UTRN: variants seen among roughly 807,000 people sequenced by gnomAD.
UTRN encodes the protein dystrophin-related protein 1.
Under a neutral mutation model 463.9 loss-of-function variants are expected in UTRN, and 283 were observed. That is an observed-to-expected ratio of 0.61 (90% CI 0.55 to 0.67). The LOEUF is 0.67. Ranked by LOEUF, UTRN falls within the 30% of genes least tolerant of loss-of-function variation. The pLI is 0.00. For synonymous variants in UTRN, 1,442 were observed against 1,431.5 expected, an observed-to-expected ratio of 1.01 and a Z score of -0.17; for missense variants, 3,922 against 4,084.3, an observed-to-expected ratio of 0.96 and a Z score of 1.08.
At chr6:144,738,012 G>A (rs1055041305) in intron 54 of UTRN, among the ~76,000 whole-genome samples, 2 of 151,996 alleles carry the variant, frequency 1.3e-5, no homozygotes, top group Non-Finnish European at 2.9e-5. Flanking sequence ...AAACACAAAG[G>A]CCAAGAAGAT....
At chr6:144,553,736 C>G (rs1209713934) in intron 48 of UTRN, among the ~76,000 whole-genome samples, 1 of 151,970 alleles carries the variant, frequency 6.6e-6, no homozygotes, top group Non-Finnish European at 1.5e-5. Flanking sequence ...CATGGGGAAA[C>G]CCTCTCTCTA....
At chr6:144,688,043 C>A (rs1586014674) in intron 52 of UTRN, among the ~76,000 whole-genome samples, 1 of 152,064 alleles carries the variant, frequency 6.6e-6, no homozygotes, top group African/African-American at 2.4e-5. Flanking sequence ...TTGTTCATTT[C>A]TTTTCATTCT....
intron 51 of UTRN, among the ~76,000 whole-genome samples, chr6:144,655,731 C>T (rs925271784): frequency 2.0e-5 from 3 of 152,076 alleles, no homozygotes; most frequent in South Asian, 2.1e-4. Context: ...TAAAAATTGT[C>T]TTTAGTGGGA....
intron 31 of UTRN, 33 bp from the exon 32 acceptor site, chr6:144,490,896 A>C (rs981140252): frequency 2.6e-6 from 4 of 1,536,426 alleles, no homozygotes; most frequent in Middle Eastern, 1.7e-4. Context: ...AATCATCCTG[A>C]TGGGAATTGC....
At chr6:144,577,317 CTG>C in intron 51 of UTRN, 29 bp downstream of exon 51, 1 of 1,608,022 alleles carries the variant, frequency 6.2e-7, no homozygotes, top group Non-Finnish European at 8.5e-7. Context: ...ACACCAGTAC[CTG>C]TGTTTGCCCT....
In UTRN at chr6:144,423,547, A is replaced by G; in HGVS notation, c.235-2A>G. ...TACTTGCTTTTTTGTTTTATTTTCC[A>G]GCCAAAGGAACGTGGTTCCACAAGG... On this transcript the variant is annotated splice_acceptor_variant, in intron 4 of 74. Transcript: ENST00000367545. LOFTEE classifies it high-confidence loss of function. 6.2e-7 allele frequency: 1 copy of G among 1,614,126 alleles called. No individual in the cohort carries two copies. The highest frequency in any genetic ancestry group is 8.5e-7 in the Non-Finnish European group (1 of 1,180,018).
intron 71 of UTRN, among the ~76,000 whole-genome samples, chr6:144,838,102 T>C (rs938429612): frequency 2.6e-5 from 4 of 152,220 alleles, no homozygotes; most frequent in African/African-American, 9.6e-5. Flanking sequence ...AGTGCATAGG[T>C]GGAATTGCTA....
chr6:144,482,694 A>G (rs1324138196), intron 27 of UTRN, among the ~76,000 whole-genome samples: 1 of 152,146 alleles, frequency 6.6e-6, no homozygotes, highest in Admixed American at 6.5e-5. Context: ...CCAGGTTTTC[A>G]TGTAACAGAT....
intron 2 of UTRN, among the ~76,000 whole-genome samples, chr6:144,385,717 T>TC (rs1005842901): frequency 1.3e-5 from 2 of 152,040 alleles, no homozygotes; most frequent in Non-Finnish European, 2.9e-5. Flanking sequence ...TTTTTTTTTT[T>TC]TTTTCTTTTG....
chr6:144,493,848 C>A (rs557109366), intron 33 of UTRN, among the ~76,000 whole-genome samples: 1 of 150,536 alleles, frequency 6.6e-6, no homozygotes, highest in South Asian at 2.1e-4. Flanking sequence ...AACAAATTTC[C>A]AAAAAAAAAT....
At chr6:144,411,098 G>C (rs967681505) in intron 3 of UTRN, among the ~76,000 whole-genome samples, 1 of 152,174 alleles carries the variant, frequency 6.6e-6, no homozygotes, top group Non-Finnish European at 1.5e-5. Flanking sequence ...TAATGGGATT[G>C]CTGGATCAAA....
chr6:144,596,195 A>G (rs1178324384), intron 51 of UTRN, among the ~76,000 whole-genome samples: 1 of 152,136 alleles, frequency 6.6e-6, no homozygotes, highest in Non-Finnish European at 1.5e-5. Flanking sequence ...ACTTATGCCA[A>G]ATGTCATCCT....
At chr6:144,630,747 A>G (rs1322110815) in intron 51 of UTRN, among the ~76,000 whole-genome samples, 1 of 152,164 alleles carries the variant, frequency 6.6e-6, no homozygotes, top group Non-Finnish European at 1.5e-5. Flanking sequence ...TACTCTGCAT[A>G]CCATTAATAT....
chr6:144,534,258 A>G (rs1797332892), intron 43 of UTRN, among the ~76,000 whole-genome samples: 1 of 152,206 alleles, frequency 6.6e-6, no homozygotes, highest in Non-Finnish European at 1.5e-5. Context: ...GGCACCTTGC[A>G]CACATTGCCT....
intron 53 of UTRN, among the ~76,000 whole-genome samples, chr6:144,720,210 A>G (rs1272488645): frequency 6.6e-6 from 1 of 152,210 alleles, no homozygotes; most frequent in Non-Finnish European, 1.5e-5. Context: ...AGATCAGCTG[A>G]TTGACTTCCA....
chr6:144,519,898 C>T (rs910725228), intron 39 of UTRN, among the ~76,000 whole-genome samples: 13 of 152,140 alleles, frequency 8.5e-5, no homozygotes, highest in African/African-American at 2.7e-4. Flanking sequence ...CACAGGAATT[C>T]CAGTCTTGCA....
chr6:144,318,448 C>T (rs908987667), intron 2 of UTRN, among the ~76,000 whole-genome samples: 1 of 152,052 alleles, frequency 6.6e-6, no homozygotes, highest in Non-Finnish European at 1.5e-5. Context: ...GTGCCTACCA[C>T]TACGCCTGGC....
chr6:144,504,664 A>G (rs1794544046), intron 34 of UTRN, among the ~76,000 whole-genome samples: 1 of 152,226 alleles, frequency 6.6e-6, no homozygotes, highest in Admixed American at 6.5e-5. Flanking sequence ...GTTTGCCAGC[A>G]TTTTATTGAG....
intron 34 of UTRN, among the ~76,000 whole-genome samples, chr6:144,501,442 AT>A (rs201502242): frequency 8.6e-5 from 13 of 152,000 alleles, no homozygotes; most frequent in Admixed American, 2.6e-4. Flanking sequence ...AAACAATGCT[AT>A]TTTTTTTCAT....
Sources: allele counts gnomAD v4.1 joint callset (sites outside exome capture counted in the v4.1 genomes callset), GRCh38; gene constraint gnomAD v4.1.1; transcripts MANE v1.5; gene names NCBI Gene and HGNC (gene_info 2026-07-23, HGNC 2026-07-21).